Variants in IKZF1 observed in about 807,000 individuals in gnomAD.
IKZF1 encodes the protein IKAROS family zinc finger 1, also known as DNA-binding protein Ikaros.
In IKZF1, 10 loss-of-function variants were observed where a neutral mutation model predicts 51.7. The ratio of observed to expected loss-of-function variants is 0.19; its 90% CI spans 0.12 to 0.33. The LOEUF is 0.33. Among genes scored for constraint, IKZF1 ranks in the 10% least tolerant of loss-of-function variants. IKZF1 has a pLI of 1.00. For missense variants in IKZF1, 484 were observed against 707.5 expected (o/e 0.68, Z 3.58); for synonymous variants, 280 against 282.3 (o/e 0.99, Z 0.08).
In IKZF1 at chr7:50,400,039, C is replaced by G. The variant is rs757284598; in HGVS notation, c.972C>G (p.Ala324=). Reference sequence around the variant, plus strand: ...ACAACGCCATCAACTACCTGGGGGCCGAGTCCCTGCGCCCGCTGGTGCAGA... The same window carrying G: ...ACAACGCCATCAACTACCTGGGGGCGGAGTCCCTGCGCCCGCTGGTGCAGA... ...AINNAINYLG[A]ESLRPLVQTP... The change falls in exon 8 of 8, where the codon GCC becomes GCG. Residue 324 remains alanine (A), a synonymous_variant. Transcript: ENST00000331340. The surrounding 1 kb of genome is among the most constrained non-coding windows in gnomAD (Gnocchi z 5.4). The G allele has an allele frequency of 6.2e-7, 1 of 1,610,254 alleles. No individual in the cohort carries two copies. The highest frequency in any genetic ancestry group is 2.2e-5 in the East Asian group (1 of 44,690).
rs557258246 is a variant in IKZF1, at chr7:50,378,760, G to C, written c.421+1967G>C. Among the ~76,000 whole-genome samples the C allele has an allele frequency of 4.6e-5, 7 of 152,266 alleles. No homozygotes were observed. The South Asian group carries it at 1.4e-3, about 32-fold the overall frequency. On this transcript the variant is annotated intron_variant, in intron 4 of 7. Coordinates refer to ENST00000331340, the MANE Select transcript of IKZF1 (RefSeq NM_006060.6). ...CCAATAAGCTGAGTTTTTCACTTAC[G>C]GAACAAATAACTTTCAGAAGTCAAT... is the stretch of plus-strand genomic sequence containing the variant.
At chr7:50,341,530 T>C (rs1020896828) in intron 3 of IKZF1, among the ~76,000 whole-genome samples, 2 of 152,182 alleles carry the variant, frequency 1.3e-5, no homozygotes, top group Admixed American at 1.3e-4. Context: ...GAACAGTCAT[T>C]GTTTGAGGGA....
In IKZF1 at chr7:50,403,883, C is replaced by T. The variant is rs181042284; in HGVS notation, c.*3256C>T. On this transcript the variant is annotated 3_prime_UTR_variant, in exon 8 of 8. Coordinates refer to ENST00000331340, the MANE Select transcript of IKZF1 (RefSeq NM_006060.6). ...AGTGTCCTCTTCTTGCCAAAACAAACGCGAGATGAACTGGACTTATGTAGA... is the reference window on the plus strand; with the variant it reads ...AGTGTCCTCTTCTTGCCAAAACAAATGCGAGATGAACTGGACTTATGTAGA... 4.6e-5 allele frequency: 10 copies of T among 218,374 alleles called. No individual in the cohort carries two copies. The highest frequency in any genetic ancestry group is 1.9e-4 in the South Asian group (1 of 5,374). The allele number at this position is 218,374 out of a possible 1,614,324, so 13.5% of individuals were successfully genotyped here.
chr7:50,365,569 A>G (rs1326384952), intron 3 of IKZF1, among the ~76,000 whole-genome samples: 1 of 152,252 alleles, frequency 6.6e-6, no homozygotes, highest in Non-Finnish European at 1.5e-5. Flanking sequence ...AATGCAAATC[A>G]AAACCACAAT....
At chr7:50,383,407 A>G (rs1265731240) in intron 5 of IKZF1, among the ~76,000 whole-genome samples, 1 of 152,160 alleles carries the variant, frequency 6.6e-6, no homozygotes, top group Non-Finnish European at 1.5e-5. Context: ...AAATCCACTA[A>G]AGTTTGGTTA....
At chr7:50,340,345 A>T (rs1748202456) in intron 3 of IKZF1, among the ~76,000 whole-genome samples, 1 of 152,148 alleles carries the variant, frequency 6.6e-6, no homozygotes, top group Admixed American at 6.5e-5. Context: ...CCCACAGGGG[A>T]TGTGGCTGCA....
At chr7:50,313,009 G>A (rs1790566666) in intron 1 of IKZF1, among the ~76,000 whole-genome samples, 3 of 152,212 alleles carry the variant, frequency 2.0e-5, no homozygotes, top group Admixed American at 2.0e-4. Flanking sequence ...AAATAAGAGT[G>A]CTCGGAAGTT....
chr7:50,356,595 G>A (rs1803469857), intron 3 of IKZF1, among the ~76,000 whole-genome samples: 1 of 152,212 alleles, frequency 6.6e-6, no homozygotes, highest in South Asian at 2.1e-4. Context: ...GTCTGTGTGT[G>A]TGCGCACGCA....
At chr7:50,325,700 G>A (rs951034680) in intron 2 of IKZF1, among the ~76,000 whole-genome samples, 2 of 152,022 alleles carry the variant, frequency 1.3e-5, no homozygotes, top group Non-Finnish European at 2.9e-5. Context: ...GCTTGAACCT[G>A]GGAGGCCGAG....
chr7:50,373,509 G>A (rs969879950), intron 3 of IKZF1, among the ~76,000 whole-genome samples: 30 of 152,136 alleles, frequency 2.0e-4, no homozygotes, highest in African/African-American at 6.5e-4. Flanking sequence ...CCTGTTCTGC[G>A]TGGTGTCCTT....
chr7:50,307,004 C>T (rs1788976181), intron 1 of IKZF1, among the ~76,000 whole-genome samples: 1 of 152,190 alleles, frequency 6.6e-6, no homozygotes, highest in Admixed American at 6.5e-5. Flanking sequence ...AGCGTGCACA[C>T]ACACAGCATG....
At chr7:50,379,495 G>A (rs561853695) in intron 4 of IKZF1, among the ~76,000 whole-genome samples, 1 of 152,286 alleles carries the variant, frequency 6.6e-6, no homozygotes, top group East Asian at 1.9e-4. Context: ...TTTCTGACTC[G>A]GGTGTAATAG....
chr7:50,360,229 G>A (rs907538630), intron 3 of IKZF1, among the ~76,000 whole-genome samples: 3 of 151,984 alleles, frequency 2.0e-5, no homozygotes, highest in African/African-American at 7.2e-5. Context: ...CTGAAGCAGG[G>A]CCTGGGCTTC....
At chr7:50,339,970 G>T (rs984631465) in intron 3 of IKZF1, among the ~76,000 whole-genome samples, 1 of 152,098 alleles carries the variant, frequency 6.6e-6, no homozygotes, top group Non-Finnish European at 1.5e-5. Context: ...GATTAAGTTG[G>T]TCTTCTGCAA....
chr7:50,376,445 T>C lies in IKZF1; in HGVS notation c.161-88T>C, dbSNP rs1434592068. 1 of 1,559,258 alleles carries C rather than the reference T, an allele frequency of 6.4e-7. No homozygotes were observed. The highest frequency in any genetic ancestry group is 8.7e-7 in the Non-Finnish European group (1 of 1,155,626). ...CTTCTGTTTAGTAGCTCTCCACACC[T>C]ATTTGATTGTCTTTTTGCTGCTGTG... On this transcript the variant is annotated intron_variant, in intron 3 of 7. Transcript: ENST00000331340. The surrounding 1 kb of genome is among the most constrained non-coding windows in gnomAD (Gnocchi z 4.5).
chr7:50,399,795 C>A (rs1258676621), intron 7 of IKZF1, 123 bp from the exon 8 acceptor site: 26 of 1,423,048 alleles, frequency 1.8e-5, no homozygotes, highest in Non-Finnish European at 2.4e-5. Flanking sequence ...GGTCCGCAGG[C>A]GTGCTGGGCC....
chr7:50,358,649 C>T (rs895954060), intron 3 of IKZF1, among the ~76,000 whole-genome samples: 1 of 152,212 alleles, frequency 6.6e-6, no homozygotes, highest in Non-Finnish European at 1.5e-5. Context: ...CAGGGTGCTG[C>T]AGCCAATGCT....
chr7:50,313,860 T>C (rs1790801255), intron 1 of IKZF1, among the ~76,000 whole-genome samples: 1 of 152,226 alleles, frequency 6.6e-6, no homozygotes, highest in Non-Finnish European at 1.5e-5. Flanking sequence ...ACAACACCCA[T>C]GGTCTTATGA....
intron 3 of IKZF1, among the ~76,000 whole-genome samples, chr7:50,351,900 T>G (rs1801952881): frequency 6.6e-6 from 1 of 152,200 alleles, no homozygotes; most frequent in Non-Finnish European, 1.5e-5. Context: ...AAGACTTTCT[T>G]GAAAACGCTT....
Sources: gnomAD v4.1 joint callset for allele counts (sites outside exome capture counted in the v4.1 genomes callset) on GRCh38, gnomAD v4.1.1 for gene constraint, Gnocchi (gnomAD v3.1) non-coding constraint, MANE v1.5 for transcripts, NCBI Gene and HGNC (gene_info 2026-07-23, HGNC 2026-07-21) for gene names.